The following ADCY8 variants were observed in gnomAD, a reference collection of about 807,000 sequenced individuals.
The protein encoded by ADCY8 is adenylate cyclase 8, also known as adenylate cyclase type 8.
Under a neutral mutation model 119.7 loss-of-function variants are expected in ADCY8, and 51 were observed. The ratio of observed to expected loss-of-function variants is 0.43; its 90% confidence interval spans 0.34 to 0.54. The LOEUF (loss-of-function observed/expected upper bound fraction) is 0.54, where lower values mean the gene tolerates loss of function less well. Among genes scored for constraint, ADCY8 ranks in the 20% least tolerant of loss-of-function variants. ADCY8 has a pLI of 0.03. For missense variants in ADCY8, 1,383 were observed against 1,598.8 expected (o/e 0.87, Z 2.30); for synonymous variants, 665 against 651.0 (o/e 1.02, Z -0.33).
At chr8:130,836,645 A>G (rs564925507) in intron 11 of ADCY8, among the ~76,000 whole-genome samples, 196 bp from the exon 12 acceptor site, 1 of 152,304 alleles carries the variant, frequency 6.6e-6, no homozygotes, top group Admixed American at 6.5e-5. Flanking sequence ...GAATGGCATC[A>G]CTATTCATAG....
At chr8:130,862,603 C>T (rs891106780) in intron 9 of ADCY8, among the ~76,000 whole-genome samples, 1 of 151,984 alleles carries the variant, frequency 6.6e-6, no homozygotes. Flanking sequence ...TTAGTAGAGA[C>T]GGGGTTTCAC....
In ADCY8 at chr8:131,035,689, C is replaced by A. The variant is rs73350478; in HGVS notation, c.960+3685G>T. Among the ~76,000 whole-genome samples the A allele has an allele frequency of 2.0e-5, 3 of 152,098 alleles. No homozygotes were observed. The East Asian group carries it at 5.8e-4, about 29-fold the overall frequency. ...ATAGCTTAGATTAAAGGAAGGCAAT[C>A]ATTGGCTCATTTGTTCCTTTCAAAA... On this transcript the variant is annotated intron_variant, in intron 1 of 17. Transcript: ENST00000286355.
chr8:130,821,135 T>A (rs540033919), intron 13 of ADCY8, among the ~76,000 whole-genome samples: 1 of 152,238 alleles, frequency 6.6e-6, no homozygotes, highest in Non-Finnish European at 1.5e-5. Flanking sequence ...AAGAGATGTA[T>A]CCAAAGGTCA....
intron 5 of ADCY8, among the ~76,000 whole-genome samples, chr8:130,921,392 A>G (rs997542046): frequency 2.6e-5 from 4 of 151,284 alleles, no homozygotes; most frequent in Admixed American, 1.3e-4. Flanking sequence ...TTTTCATGCC[A>G]TTGAATATTA....
intron 1 of ADCY8, among the ~76,000 whole-genome samples, chr8:130,992,425 A>ATATATT (rs1554623355): frequency 2.5e-4 from 32 of 125,530 alleles, no homozygotes; most frequent in African/African-American, 9.9e-4. Context: ...ATATATATAT[A>ATATATT]TATATTTGAG....
intron 12 of ADCY8, among the ~76,000 whole-genome samples, chr8:130,829,513 G>T (rs997156571): frequency 3.3e-5 from 5 of 152,312 alleles, no homozygotes; most frequent in African/African-American, 1.2e-4. Context: ...ATAAATACTT[G>T]TCCTAAAGAC....
intron 5 of ADCY8, among the ~76,000 whole-genome samples, chr8:130,916,210 G>A (rs890991197): frequency 1.3e-5 from 2 of 152,170 alleles, no homozygotes; most frequent in African/African-American, 4.8e-5. Flanking sequence ...TTCTTTAAAG[G>A]GAAATACAAA....
intron 1 of ADCY8, among the ~76,000 whole-genome samples, chr8:131,023,167 T>C (rs1172637948): frequency 1.3e-5 from 2 of 152,292 alleles, no homozygotes; most frequent in East Asian, 3.9e-4. Context: ...AACCATATAA[T>C]GCAGATTCAG....
rs533191891 is a variant in ADCY8, at chr8:130,820,643, C to T, written c.2754+699G>A. On this transcript the variant is annotated intron_variant, in intron 13 of 17. Coordinates refer to ENST00000286355, the MANE Select transcript of ADCY8 (RefSeq NM_001115.3). Reference sequence around the variant, plus strand: ...ATAACATGTTTGCATTATTTGGGGTCAGCTCTACTCCAGGAGACTGGACCA... The same window carrying T: ...ATAACATGTTTGCATTATTTGGGGTTAGCTCTACTCCAGGAGACTGGACCA... 3.9e-5 allele frequency among the ~76,000 whole-genome samples: 6 copies of T among 152,316 alleles called. No homozygotes were observed. In the East Asian group the frequency reaches 1.2e-3, roughly 29 times the overall value.
chr8:130,835,106 T>G (rs991609623), intron 12 of ADCY8, among the ~76,000 whole-genome samples: 4 of 152,222 alleles, frequency 2.6e-5, no homozygotes, highest in Non-Finnish European at 5.9e-5. Flanking sequence ...GGCCTTATTC[T>G]TTTCCTTTGA....
chr8:131,019,701 G>T (rs189116095), intron 1 of ADCY8, among the ~76,000 whole-genome samples: 122 of 152,120 alleles, frequency 8.0e-4, no homozygotes, highest in Non-Finnish European at 1.1e-3. Flanking sequence ...AACATGGGAT[G>T]CTGAGACTAC....
intron 11 of ADCY8, among the ~76,000 whole-genome samples, chr8:130,839,995 C>G (rs1817091613): frequency 7.2e-6 from 1 of 139,380 alleles, no homozygotes; most frequent in East Asian, 2.2e-4. Flanking sequence ...GCAAATATAC[C>G]CAATAAACTT....
chr8:130,976,812 A>G (rs1406867704), intron 2 of ADCY8, among the ~76,000 whole-genome samples: 1 of 152,196 alleles, frequency 6.6e-6, no homozygotes, highest in Non-Finnish European at 1.5e-5. Flanking sequence ...CTCAAATATG[A>G]TATTTAAAAA....
At chr8:130,809,118 G>C (rs151311252) in intron 14 of ADCY8, among the ~76,000 whole-genome samples, 1 of 152,308 alleles carries the variant, frequency 6.6e-6, no homozygotes, top group African/African-American at 2.4e-5. Context: ...ATGCTTCTGG[G>C]TGTGAGGCCC....
chr8:130,984,615 A>C (rs1822341725), intron 2 of ADCY8, among the ~76,000 whole-genome samples: 1 of 152,198 alleles, frequency 6.6e-6, no homozygotes, highest in Non-Finnish European at 1.5e-5. Flanking sequence ...ACTGGTTAAC[A>C]TCAATTAGAA....
rs116422941 is a variant in ADCY8 at position 130,883,395 on chromosome 8, A to G, written c.2109+1169T>C. On this transcript the variant is annotated intron_variant, in intron 8 of 17. Transcript: ENST00000286355. ...TTTTGTGTGGGTTGAGTGAGGCAAA[A>G]TGTTTCTTTTCCTTTTGTTTTGTTA... 3.0e-3 allele frequency among the ~76,000 whole-genome samples: 450 copies of G among 152,204 alleles called. 3 individuals are homozygous for G. The highest frequency in any genetic ancestry group is 9.3e-3 in the African/African-American group (387 of 41,526).
In ADCY8 at chr8:130,874,750, C is replaced by T. The variant is rs534938964; in HGVS notation, c.2110-6804G>A. The stretch of plus-strand genomic sequence containing the variant: ...GGTTAGACTGGGCACATGAGAATTT[C>T]AAGAAAAACTTTTAAAAACCTTCCA... On this transcript the variant is annotated intron_variant, in intron 8 of 17. Coordinates refer to ENST00000286355, the MANE Select transcript of ADCY8 (RefSeq NM_001115.3). Among the ~76,000 whole-genome samples the T allele has an allele frequency of 2.1e-3, 319 of 152,228 alleles. 3 individuals are homozygous for T. The highest frequency in any genetic ancestry group is 0.014 in the Middle Eastern group (4 of 294).
chr8:130,926,424 A>G (rs1221503976), intron 5 of ADCY8, among the ~76,000 whole-genome samples: 1 of 151,896 alleles, frequency 6.6e-6, no homozygotes, highest in African/African-American at 2.4e-5. Context: ...GATTGACTTG[A>G]CTCTTGCCCA....
chr8:130,787,628 C>A (rs569704166), intron 15 of ADCY8, among the ~76,000 whole-genome samples: 1 of 152,086 alleles, frequency 6.6e-6, no homozygotes, highest in Non-Finnish European at 1.5e-5. Context: ...GTGTGTATGT[C>A]TACATGTGTA....
Sources: gnomAD v4.1 joint callset for allele counts (sites outside exome capture counted in the v4.1 genomes callset) on GRCh38, gnomAD v4.1.1 for gene constraint, MANE v1.5 for transcripts, NCBI Gene and HGNC (gene_info 2026-07-23, HGNC 2026-07-21) for gene names.